Variants in SPAG16 observed in about 807,000 individuals in gnomAD.
SPAG16 encodes sperm associated antigen 16.
A neutral mutation model predicts 80.4 loss-of-function variants in SPAG16; 86 were observed. That is an observed-to-expected ratio of 1.07 (90% CI 0.90 to 1.28). The LOEUF is 1.28. SPAG16 is among the 50% of genes most tolerant of loss of function. The pLI is 0.00. For missense variants in SPAG16, 870 were observed against 765.3 expected (o/e 1.14, Z -1.61); for synonymous variants, 294 against 265.9 (o/e 1.11, Z -1.03).
intron 11 of SPAG16, among the ~76,000 whole-genome samples, chr2:213,897,801 G>A (rs1446411957): frequency 2.0e-5 from 3 of 152,118 alleles, no homozygotes; most frequent in Non-Finnish European, 4.4e-5. Flanking sequence ...TTGCCCAGTG[G>A]GGTTCACATT....
chr2:213,295,528 T>A (rs2062463851), intron 1 of SPAG16, among the ~76,000 whole-genome samples: 2 of 152,120 alleles, frequency 1.3e-5, no homozygotes, highest in South Asian at 4.1e-4. Flanking sequence ...AAAGTAAAAT[T>A]TAAATTTTAC....
chr2:214,151,445 A>T (rs1246379051), intron 15 of SPAG16, among the ~76,000 whole-genome samples: 1 of 152,048 alleles, frequency 6.6e-6, no homozygotes, highest in East Asian at 1.9e-4. Flanking sequence ...AGGAAAAAAA[A>T]TGATTTAAAG....
intron 13 of SPAG16, among the ~76,000 whole-genome samples, chr2:214,076,435 G>A (rs2051075096): frequency 6.6e-6 from 1 of 152,010 alleles, no homozygotes; most frequent in Admixed American, 6.6e-5. Context: ...ATAAGGACAT[G>A]CCTGAAACAA....
intron 12 of SPAG16, among the ~76,000 whole-genome samples, chr2:213,953,243 G>T (rs2043947136): frequency 6.6e-6 from 1 of 151,628 alleles, no homozygotes; most frequent in Non-Finnish European, 1.5e-5. Flanking sequence ...CTGAAATAAA[G>T]ATTACTTTAA....
intron 9 of SPAG16, among the ~76,000 whole-genome samples, chr2:213,407,607 GA>G (rs2068690921): frequency 9.0e-6 from 1 of 110,672 alleles, no homozygotes; most frequent in African/African-American, 3.3e-5. Flanking sequence ...GAGAGAGAGA[GA>G]GAGAGAGAGA....
At chr2:213,856,170 A>G (rs2075158823) in intron 10 of SPAG16, among the ~76,000 whole-genome samples, 1 of 152,218 alleles carries the variant, frequency 6.6e-6, no homozygotes, top group African/African-American at 2.4e-5. Flanking sequence ...CAGGTGCCAG[A>G]CAAGTCCAAA....
chr2:213,692,955 C>T (rs1012149796), intron 10 of SPAG16, among the ~76,000 whole-genome samples: 10 of 151,850 alleles, frequency 6.6e-5, no homozygotes, highest in African/African-American at 1.2e-4. Flanking sequence ...TTTAAAACAA[C>T]AGGTTCTGAA....
chr2:213,638,656 G>T (rs545450941), intron 10 of SPAG16, among the ~76,000 whole-genome samples: 6 of 152,124 alleles, frequency 3.9e-5, no homozygotes, highest in Non-Finnish European at 7.4e-5. Context: ...TTGTTTTGTG[G>T]CCTATGATAT....
chr2:214,229,262 G>C (rs561903120), intron 15 of SPAG16, among the ~76,000 whole-genome samples: 1 of 151,944 alleles, frequency 6.6e-6, no homozygotes, highest in African/African-American at 2.4e-5. Flanking sequence ...AAGATTAAAG[G>C]AAGAGGAGGC....
rs190262966 is a variant in SPAG16, at chr2:214,161,681, G to A, written c.1720+12415G>A. ...CACACACTGGGGCCTGTAGAGGGGT[G>A]GGGTTGATGGGTAGAGAGAGCATTA... On this transcript the variant is annotated intron_variant, in intron 15 of 15. Transcript: ENST00000331683. Among the ~76,000 whole-genome samples the A allele has an allele frequency of 6.1e-4, 92 of 152,044 alleles. 3 individuals are homozygous for A. In the East Asian group the frequency reaches 0.016, roughly 27 times the overall value.
rs112382404 is a variant in SPAG16, at chr2:213,371,716, T to C, written c.833-3294T>C. On this transcript the variant is annotated intron_variant, in intron 8 of 15. Transcript: ENST00000331683. Reference sequence around the variant, plus strand: ...TGGGAAGAAGACACATTAATTGTTATTTAATCTAAATTTAGGGAATAAGAT... The same window carrying C: ...TGGGAAGAAGACACATTAATTGTTACTTAATCTAAATTTAGGGAATAAGAT... 6.2e-3 allele frequency among the ~76,000 whole-genome samples: 41 copies of C among 6,564 alleles called. No homozygotes were observed. The South Asian group carries it at 0.46, about 74-fold the overall frequency. The allele number at this position is 6,564 out of a possible 152,430, so 4.3% of individuals were successfully genotyped here. A position where few individuals can be genotyped will look rare whatever the true frequency, so the allele number is the denominator to read the frequency against.
At chr2:213,975,213 A>G (rs1297204078) in intron 12 of SPAG16, among the ~76,000 whole-genome samples, 4 of 151,044 alleles carry the variant, frequency 2.6e-5, no homozygotes, top group Non-Finnish European at 5.9e-5. Context: ...CTTTCTATTC[A>G]TATATTTAAA....
At chr2:214,033,290 G>A (rs1222454893) in intron 13 of SPAG16, among the ~76,000 whole-genome samples, 1 of 152,188 alleles carries the variant, frequency 6.6e-6, no homozygotes. Flanking sequence ...TTCTTTGCTT[G>A]AGATATTTAT....
At chr2:214,339,526 T>C (rs2126027603) in intron 15 of SPAG16, among the ~76,000 whole-genome samples, 1 of 152,344 alleles carries the variant, frequency 6.6e-6, no homozygotes, top group South Asian at 2.1e-4. Context: ...AGGGAATGTT[T>C]GATAGAAAAT....
At chr2:213,692,908 GAA>G (rs901999311) in intron 10 of SPAG16, among the ~76,000 whole-genome samples, 1 of 151,994 alleles carries the variant, frequency 6.6e-6, no homozygotes, top group African/African-American at 2.4e-5. Context: ...AGTTTTTAAG[GAA>G]AAAATACATT....
intron 10 of SPAG16, among the ~76,000 whole-genome samples, chr2:213,833,030 T>G (rs1317169727): frequency 1.3e-5 from 2 of 152,114 alleles, no homozygotes; most frequent in African/African-American, 4.8e-5. Flanking sequence ...TCCTTTGAAT[T>G]TCAGTCTTCA....
chr2:213,313,494 G>A (rs1372090849), intron 4 of SPAG16, among the ~76,000 whole-genome samples: 1 of 151,748 alleles, frequency 6.6e-6, no homozygotes, highest in African/African-American at 2.4e-5. Flanking sequence ...AGGGGATAGG[G>A]AGATTAGGAA....
At chr2:213,930,261 C>A in intron 12 of SPAG16, 116 bp downstream of exon 12, 1 of 678,146 alleles carries the variant, frequency 1.5e-6, no homozygotes, top group Non-Finnish European at 2.3e-6. Context: ...TTAAAAGAAA[C>A]TGTTAGTTGA....
intron 10 of SPAG16, among the ~76,000 whole-genome samples, chr2:213,679,161 C>T (rs2064254143): frequency 6.6e-6 from 1 of 152,160 alleles, no homozygotes; most frequent in African/African-American, 2.4e-5. Flanking sequence ...TAAATTTAAG[C>T]TTAGCCTGCA....
Sources: gnomAD v4.1 joint callset for allele counts (sites outside exome capture counted in the v4.1 genomes callset) on GRCh38, gnomAD v4.1.1 for gene constraint, MANE v1.5 for transcripts, NCBI Gene and HGNC (gene_info 2026-07-23, HGNC 2026-07-21) for gene names.